APBB3: variants seen among roughly 807,000 people sequenced by gnomAD.
The protein encoded by APBB3 is amyloid-beta A4 precursor protein-binding family B member 3.
APBB3 carries 50 observed loss-of-function variants against 61.5 expected under a neutral mutation model. The ratio of observed to expected loss-of-function variants is 0.81; its 90% confidence interval spans 0.65 to 1.03. The LOEUF (loss-of-function observed/expected upper bound fraction) is 1.03. Among genes scored for constraint, APBB3 ranks in the 50% least tolerant of loss-of-function variants. APBB3 has a pLI of 0.00. For missense variants in APBB3, 550 were observed against 637.4 expected (o/e 0.86, Z 1.48); for synonymous variants, 235 against 233.0 (o/e 1.01, Z -0.08).
Position 140,558,776 on chromosome 5 carries a change from C to A in APBB3, c.1270G>T (p.Ala424Ser). The A allele has an allele frequency of 6.2e-7, 1 of 1,610,336 alleles. No homozygotes were observed. The highest frequency in any genetic ancestry group is 8.5e-7 in the Non-Finnish European group (1 of 1,179,092). Residue 424 changes from alanine (A) to serine (S), a missense_variant, in exon 13 of 13, where the codon GCC becomes TCC. Ala to Ser is a moderately conservative substitution (Grantham distance 99, BLOSUM62 1). Around this residue, in one of 3 missense-constraint regions of APBB3, gnomAD observed 138 missense variants for 132.6 expected, o/e 1.04. Transcript: ENST00000357560. The part of the protein sequence containing the change: ...CLVASAARGK[A>S]WGAQARARLR... Reference sequence around the variant, plus strand: ...CGGGCACGGGCCTGGGCACCCCAGGCCTTGCCTCGAGCTGCAGAGGCCACA... The same window carrying A: ...CGGGCACGGGCCTGGGCACCCCAGGACTTGCCTCGAGCTGCAGAGGCCACA...
At chr5:140,562,865 C>T in intron 3 of APBB3, 142 bp from the exon 4 acceptor site, 2 of 725,792 alleles carry the variant, frequency 2.8e-6, no homozygotes, top group Non-Finnish European at 4.6e-6. Flanking sequence ...CAGGGTAGAG[C>T]CCAGGACATA....
rs754347083 is a variant in APBB3 at position 140,561,756 on chromosome 5, C to A, written c.633-55G>T. On this transcript the variant is annotated intron_variant, in intron 7 of 12. Transcript: ENST00000357560. ...GAAGCTGGTTAGAGGCAGGAGCCTGCAGGAGGCTGGAAAGTCAGGCTAGGG... is the reference window on the plus strand; with the variant it reads ...GAAGCTGGTTAGAGGCAGGAGCCTGAAGGAGGCTGGAAAGTCAGGCTAGGG... 5.6e-6 allele frequency: 9 copies of A among 1,614,010 alleles called. No individual in the cohort carries two copies. In the South Asian group the frequency reaches 9.9e-5, roughly 18 times the overall value.
intron 3 of APBB3, chr5:140,563,001 C>T (rs1755032633): frequency 2.3e-6 from 1 of 434,814 alleles, no homozygotes; most frequent in Admixed American, 4.0e-5. Context: ...AATCCCAACA[C>T]TTTGGGAGGC....
At position 140,562,375 on chromosome 5, in the gene APBB3, G is replaced by A. The variant is rs1323796505; in HGVS notation, c.476C>T (p.Pro159Leu). Residue 159 changes from proline to leucine, a missense_variant, in exon 5 of 13, where the codon CCT becomes CTT. Physicochemically the swap from Pro to Leu is moderately conservative, Grantham distance 98. Coordinates refer to ENST00000357560, the MANE Select transcript of APBB3 (RefSeq NM_133173.3). ...CACCTCACCCCAGGCACCATCTGGAGGCTGGCTCCGGCTGCGGGTCTGGGC... is the reference window on the plus strand; with the variant it reads ...CACCTCACCCCAGGCACCATCTGGAAGCTGGCTCCGGCTGCGGGTCTGGGC... ...QLAQTRSRSQ[P>L]PDGAWGEGQN... The A allele has an allele frequency of 1.9e-6, 3 of 1,614,034 alleles. No homozygotes were observed. The highest frequency in any genetic ancestry group is 2.5e-6 in the Non-Finnish European group (3 of 1,180,040).
chr5:140,563,231 TGA>T (rs143607589), intron 3 of APBB3: 171 of 316,540 alleles, frequency 5.4e-4, no homozygotes, highest in African/African-American at 3.3e-3. Context: ...GATGACAGAG[TGA>T]GACTCCATCT....
intron 3 of APBB3, chr5:140,563,238 C>A (rs1755048419): frequency 3.1e-6 from 1 of 321,010 alleles, no homozygotes; most frequent in East Asian, 9.8e-5. Context: ...GAGTGAGACT[C>A]CATCTCAAAA....
At chr5:140,562,564 C>T (rs760108495) in intron 4 of APBB3, 65 bp from the exon 5 acceptor site, 273 of 1,608,926 alleles carry the variant, frequency 1.7e-4, no homozygotes, top group Admixed American at 4.7e-4. Context: ...TGCCACAATA[C>T]ATACTCCCTG....
Position 140,564,432 on chromosome 5 carries a change from A to C in APBB3, c.-187T>G, listed in dbSNP as rs1005843107. 2 of 656,722 alleles carry C rather than the reference A, an allele frequency of 3.0e-6. No homozygotes were observed. The highest frequency in any genetic ancestry group is 2.6e-6 in the Non-Finnish European group (1 of 389,634). 40.7% of individuals were successfully genotyped at this position (656,722 alleles called of 1,614,324 possible). A position where few individuals can be genotyped will look rare whatever the true frequency, so the allele number is the denominator to read the frequency against. On this transcript the variant is annotated 5_prime_UTR_variant, in exon 1 of 13. Coordinates refer to ENST00000357560, the MANE Select transcript of APBB3 (RefSeq NM_133173.3). The surrounding 1 kb of genome is among the most constrained non-coding windows in gnomAD (Gnocchi z 5.0). ...GGTCCCGGGGGAGGGCCTGAGCCGC[A>C]CAGCCCGCCCAGGGGTGGTGCGTGT...
chr5:140,558,676 A>G lies in APBB3; in HGVS notation c.1370T>C (p.Val457Ala), dbSNP rs1754807721. The G allele has an allele frequency of 1.9e-6, 3 of 1,612,882 alleles. No homozygotes were observed. Among genetic ancestry groups the G allele is most frequent in the South Asian group, 2.2e-5 (2 of 90,998 alleles). Residue 457 changes from valine (V) to alanine (A), a missense_variant, in exon 13 of 13, where the codon GTT (valine) becomes GCT (alanine). Physicochemically the swap from Val to Ala is moderately conservative, Grantham distance 64. This residue lies in a region of APBB3 where 138 missense variants were observed against 132.6 expected (regional missense o/e 1.04). Transcript: ENST00000357560. ...PLPLPLLKGG[V>A]GGAGATPRKR... ...TCGAGGGGTTGCCCCTGCACCGCCAACCCCTCCTTTGAGCAGGGGGAGGGG... is the reference window on the plus strand; with the variant it reads ...TCGAGGGGTTGCCCCTGCACCGCCAGCCCCTCCTTTGAGCAGGGGGAGGGG...
At position 140,561,154 on chromosome 5, in the gene APBB3, C is replaced by T. The variant is rs190286896; in HGVS notation, c.833-53G>A. On this transcript the variant is annotated intron_variant, in intron 9 of 12. Transcript: ENST00000357560. ...GAAGCTCTTTCAATTACCCTTTTCC[C>T]CACCCTTCTCAATGGGCCAGGACTC... The T allele has an allele frequency of 1.3e-3, 2,144 of 1,601,378 alleles. 5 individuals carry two copies. Among genetic ancestry groups the T allele is most frequent in the Middle Eastern group, 3.6e-3 (22 of 6,034 alleles).
At position 140,558,526 on chromosome 5, in the gene APBB3, AAACGGTACAGAGTTAG is replaced by A. The variant is rs1346330500; in HGVS notation, c.*43_*58del. On this transcript the variant is annotated 3_prime_UTR_variant, in exon 13 of 13. Transcript: ENST00000357560. ...GACAGGCTATAGGCCTTGAGGAATA[AAACGGTACAGAGTTAG>A]GCATGGACCCAGAGCCTACTTCCCC... The A allele has an allele frequency of 5.2e-6, 8 of 1,541,220 alleles. No individual in the cohort carries two copies. The Admixed American group carries it at 8.3e-5, about 16-fold the overall frequency.
chr5:140,562,659 C>A lies in APBB3; in HGVS notation c.351+4G>T, dbSNP rs1260754366. 1 of 1,614,230 alleles carries A rather than the reference C, an allele frequency of 6.2e-7. No individual in the cohort carries two copies. The highest frequency in any genetic ancestry group is 1.7e-5 in the Admixed American group (1 of 60,028). On this transcript the variant is annotated splice_donor_region_variant and intron_variant, in intron 4 of 12. Transcript: ENST00000357560. ...TCCCAATGCCCTCAGGCCCAAGTCA[C>A]TACCTTAGCCCCTGGCTCCATGCTC... is the stretch of plus-strand genomic sequence containing the variant.
rs775087068 is a variant in APBB3 at position 140,564,227 on chromosome 5, T to G, written c.19A>C (p.Met7Leu). 1 of 1,613,212 alleles carries G rather than the reference T, an allele frequency of 6.2e-7. No individual in the cohort carries two copies. The highest frequency in any genetic ancestry group is 8.5e-7 in the Non-Finnish European group (1 of 1,180,018). The change falls in exon 1 of 13, where the codon ATG (methionine) becomes CTG (leucine). Residue 7 changes from methionine to leucine, a missense_variant. Physicochemically the swap from Met to Leu is conservative, Grantham distance 15 (BLOSUM62 2). This residue lies in a region of APBB3 where 405 missense variants were observed against 483.4 expected (regional missense o/e 0.84). Coordinates refer to ENST00000357560, the MANE Select transcript of APBB3 (RefSeq NM_133173.3). This position sits in a 1 kb window ranked among gnomAD's most constrained non-coding sequence, Gnocchi z 5.0. ...CAGTTGACCAGAATGATGGCCAGCA[T>G]GTAATCCTTGCCCAGCATAACCCCG... MLGKDY[M>L]LAIILVNCDD... is the part of the protein sequence containing the mutation.
At chr5:140,562,642 C>T (rs1325574672) in intron 4 of APBB3, 21 bp downstream of exon 4, 10 of 1,613,908 alleles carry the variant, frequency 6.2e-6, no homozygotes, top group Non-Finnish European at 8.5e-6. Context: ...CCTCCCAATG[C>T]CCTCAGGCCC....
At chr5:140,561,194 G>A in intron 9 of APBB3, 93 bp from the exon 10 acceptor site, 1 of 1,506,238 alleles carries the variant, frequency 6.6e-7, no homozygotes, top group Non-Finnish European at 9.2e-7. Context: ...CAGAGCTGGT[G>A]CTGGTAGAAG....
intron 6 of APBB3, 124 bp from the exon 7 acceptor site, chr5:140,561,973 G>C: frequency 6.2e-7 from 1 of 1,611,302 alleles, no homozygotes. Context: ...AGGGGAAGCA[G>C]TCCTGGGTCC....
rs774301630 is a variant in APBB3 at position 140,562,382 on chromosome 5, T to A, written c.469A>T (p.Ser157Cys). 2 of 1,614,138 alleles carry A rather than the reference T, an allele frequency of 1.2e-6. No homozygotes were observed. Among genetic ancestry groups the A allele is most frequent in the Admixed American group, 3.3e-5 (2 of 60,020 alleles). Residue 157 changes from serine (S) to cysteine (C), a missense_variant, in exon 5 of 13, where the codon AGC becomes TGC. Transcript: ENST00000357560. ...IQQLAQTRSR[S>C]QPPDGAWGEG... ...CCCCAGGCACCATCTGGAGGCTGGC[T>A]CCGGCTGCGGGTCTGGGCCAGCTGC...
rs199972975 is a variant in APBB3, at chr5:140,564,185, C to T, written c.49+12G>A. The T allele has an allele frequency of 9.5e-5, 153 of 1,614,128 alleles. No homozygotes were observed. In the African/African-American group the frequency reaches 1.9e-3, roughly 21 times the overall value. The stretch of plus-strand genomic sequence containing the variant: ...AGCTCCTGGTCTTCCCACCGGGCCC[C>T]TCCGTGCACACCATCGCAGTTGACC... On this transcript the variant is annotated intron_variant, in intron 1 of 12. Transcript: ENST00000357560. This position sits in a 1 kb window ranked among gnomAD's most constrained non-coding sequence, Gnocchi z 5.0.
rs765510246 is a variant in APBB3 at position 140,562,488 on chromosome 5, G to T, written c.363C>A (p.Val121=). ...SMEPGAKCFA[V]RSLGWVEVPE... ...GTACCTCTACCCAGCCCAGAGAGCG[G>T]ACTGCAAAGCACTGACAGGTTGGGG... The change falls in exon 5 of 13, where the codon GTC becomes GTA. Residue 121 remains valine, a synonymous_variant. Coordinates refer to ENST00000357560, the MANE Select transcript of APBB3 (RefSeq NM_133173.3). The T allele has an allele frequency of 6.2e-7, 1 of 1,614,106 alleles. No homozygotes were observed. The highest frequency in any genetic ancestry group is 1.1e-5 in the South Asian group (1 of 91,082).
Sources: allele counts gnomAD v4.1 joint callset, GRCh38; gene constraint gnomAD v4.1.1; regional missense constraint gnomAD v4.1.1; non-coding constraint Gnocchi (gnomAD v3.1); transcripts MANE v1.5; gene names NCBI Gene and HGNC (gene_info 2026-07-23, HGNC 2026-07-21).